Variants in TTC3 observed in about 807,000 individuals in gnomAD.
The protein encoded by TTC3 is E3 ubiquitin-protein ligase TTC3.
In TTC3, 180 loss-of-function variants were observed where a neutral mutation model predicts 249.6. That is an observed-to-expected ratio of 0.72 (90% CI 0.64 to 0.82). The LOEUF (loss-of-function observed/expected upper bound fraction) is 0.82, where lower values mean the gene tolerates loss of function less well. Ranked by LOEUF, TTC3 falls within the 40% of genes least tolerant of loss-of-function variation. TTC3 has a pLI of 0.00. For synonymous variants in TTC3, 717 were observed against 805.0 expected (o/e 0.89, Z 1.85); for missense variants, 2,061 against 2,398.4 (o/e 0.86, Z 2.94).
intron 12 of TTC3, 88 bp downstream of exon 12, chr21:37,122,067 A>G: frequency 8.1e-7 from 1 of 1,235,290 alleles, no homozygotes; most frequent in Non-Finnish European, 1.1e-6. Flanking sequence ...GAGGACCACA[A>G]ATCAATCCTC....
chr21:37,108,295 T>TA, intron 10 of TTC3, 97 bp from the exon 11 acceptor site: 1 of 936,896 alleles, frequency 1.1e-6, no homozygotes, highest in Non-Finnish European at 1.6e-6. Context: ...TTTGACTAGA[T>TA]AATATACATG....
At chr21:37,131,224 C>G (rs1250464587) in intron 16 of TTC3, among the ~76,000 whole-genome samples, 1 of 152,010 alleles carries the variant, frequency 6.6e-6, no homozygotes, top group Admixed American at 6.6e-5. Context: ...GAGGAGGTCT[C>G]GTCACTGGAA....
chr21:37,088,257 T>A (rs2072775058), exon 4 of TTC3: 1 of 1,613,402 alleles, frequency 6.2e-7, no homozygotes, highest in African/African-American at 1.3e-5. Flanking sequence ...ATTATTGCGA[T>A]GCCATTAAAA....
intron 20 of TTC3, among the ~76,000 whole-genome samples, chr21:37,143,879 G>A (rs571071681): frequency 2.0e-4 from 23 of 114,856 alleles, no homozygotes; most frequent in African/African-American, 6.3e-4. Context: ...TTAAGAAAAT[G>A]TGGCACATAT....
intron 10 of TTC3, chr21:37,101,357 G>A (rs1601419357): frequency 1.2e-5 from 1 of 86,726 alleles, no homozygotes; most frequent in Non-Finnish European, 2.7e-5. Context: ...ATTCTTGTGT[G>A]TGTGTGTGTG....
At chr21:37,147,448 G>A in intron 21 of TTC3, 33 bp from the exon 22 acceptor site, 1 of 1,575,708 alleles carries the variant, frequency 6.3e-7, no homozygotes, top group South Asian at 1.2e-5. Context: ...GATTAGTATT[G>A]TAATGGTATC....
At position 37,118,954 on chromosome 21, in the gene TTC3, T is replaced by G. The variant is rs373026117; in HGVS notation, c.901-2863T>G. Reference sequence around the variant, plus strand: ...ATATTCCATCTTTCCTTTCACCTCTTGAACACATAGGGGATAGTTATAATA... The same window carrying G: ...ATATTCCATCTTTCCTTTCACCTCTGGAACACATAGGGGATAGTTATAATA... On this transcript the variant is annotated intron_variant, in intron 11 of 45. Coordinates refer to ENST00000355666, the Ensembl canonical transcript of TTC3. Among the ~76,000 whole-genome samples the G allele has an allele frequency of 3.9e-5, 6 of 152,314 alleles. No homozygotes were observed. In the East Asian group the frequency reaches 1.2e-3, roughly 29 times the overall value.
intron 31 of TTC3, among the ~76,000 whole-genome samples, chr21:37,163,316 T>A (rs1390951960): frequency 1.3e-5 from 2 of 152,324 alleles, no homozygotes; most frequent in East Asian, 3.9e-4. Context: ...ACACTCAAAC[T>A]ACTACATCTT....
chr21:37,073,315 GGCT>G (rs16998912), exon 1 of TTC3: 102 of 382,076 alleles, frequency 2.7e-4, no homozygotes, highest in Middle Eastern at 1.3e-3. Flanking sequence ...CGGCGGCGGC[GGCT>G]GCTGCTGCTG....
chr21:37,087,903 A>C (rs1396601643), intron 3 of TTC3, 28 bp downstream of exon 3: 9 of 1,547,780 alleles, frequency 5.8e-6, no homozygotes, highest in Non-Finnish European at 8.0e-6. Flanking sequence ...TTTAATGTTA[A>C]TTTATGGAAA....
chr21:37,090,137 T>C (rs1156297612), intron 5 of TTC3, 96 bp from the exon 6 acceptor site: 4 of 818,452 alleles, frequency 4.9e-6, no homozygotes, highest in South Asian at 3.3e-5. Flanking sequence ...TGAGTACATA[T>C]AGTAGTGTTC....
intron 10 of TTC3, chr21:37,108,131 C>G (rs2075268351): frequency 3.0e-6 from 1 of 329,954 alleles, no homozygotes; most frequent in Admixed American, 4.6e-5. Flanking sequence ...TCGAAATGTG[C>G]AAGAAATACT....
At chr21:37,114,670 TC>T (rs571235334) in intron 11 of TTC3, among the ~76,000 whole-genome samples, 66 of 152,204 alleles carry the variant, frequency 4.3e-4, no homozygotes, top group South Asian at 3.5e-3. Context: ...GACCCAGCCA[TC>T]CCATTACTGG....
At chr21:37,087,187 A>G in intron 1 of TTC3, 60 bp from the exon 2 acceptor site, 1 of 1,572,754 alleles carries the variant, frequency 6.4e-7, no homozygotes, top group Admixed American at 1.8e-5. Context: ...AGCCAGGAAA[A>G]CTTTCTTCTG....
chr21:37,112,524 G>A (rs991965305), intron 11 of TTC3, among the ~76,000 whole-genome samples: 2 of 152,114 alleles, frequency 1.3e-5, no homozygotes, highest in African/African-American at 4.8e-5. Context: ...ACCAATAACA[G>A]GCTCTGAAGT....
chr21:37,154,103 T>C (rs1387668956), intron 27 of TTC3, among the ~76,000 whole-genome samples: 1 of 152,196 alleles, frequency 6.6e-6, no homozygotes, highest in Non-Finnish European at 1.5e-5. Context: ...TAGGGATGCT[T>C]TGGGCACCTA....
intron 19 of TTC3, among the ~76,000 whole-genome samples, chr21:37,139,143 C>A (rs772999846): frequency 6.6e-6 from 1 of 152,090 alleles, no homozygotes; most frequent in Non-Finnish European, 1.5e-5. Flanking sequence ...AAGATAATGG[C>A]TGCCTTTAGT....
chr21:37,082,172 T>A (rs1236145072), intron 1 of TTC3: 2 of 152,318 alleles, frequency 1.3e-5, no homozygotes, highest in East Asian at 3.9e-4. Context: ...GCCGCATTTT[T>A]AATTTCTAAA....
chr21:37,075,794 A>G (rs555057227), intron 1 of TTC3, among the ~76,000 whole-genome samples: 2 of 152,298 alleles, frequency 1.3e-5, no homozygotes, highest in East Asian at 1.9e-4. Flanking sequence ...GTCAGATCCT[A>G]TGATTGATGT....
Sources: gnomAD v4.1 joint callset for allele counts (sites outside exome capture counted in the v4.1 genomes callset) on GRCh38, gnomAD v4.1.1 for gene constraint, MANE v1.5 for transcripts, NCBI Gene and HGNC (gene_info 2026-07-23, HGNC 2026-07-21) for gene names.